UBE2E2: variants seen among roughly 807,000 people sequenced by gnomAD.
UBE2E2 encodes ubiquitin-conjugating enzyme E2 E2.
A neutral mutation model predicts 24.7 loss-of-function variants in UBE2E2; 6 were observed. The ratio of observed to expected loss-of-function variants is 0.24; its 90% CI spans 0.13 to 0.48. The LOEUF (loss-of-function observed/expected upper bound fraction) is 0.48, where lower values mean the gene tolerates loss of function less well. UBE2E2 is among the 20% of genes least tolerant of loss of function. The probability of loss-of-function intolerance (pLI) is 0.99; values close to 1 mark genes in which losing one functional copy is unlikely to be tolerated. For missense variants in UBE2E2, 169 were observed against 245.0 expected, an observed-to-expected ratio of 0.69 and a Z score of 2.07; for synonymous variants, 104 against 83.6, an observed-to-expected ratio of 1.24 and a Z score of -1.33.
chr3:23,492,991 T>C (rs1305875820), intron 3 of UBE2E2, among the ~76,000 whole-genome samples: 3 of 152,164 alleles, frequency 2.0e-5, no homozygotes, highest in Non-Finnish European at 1.5e-5. Context: ...AAATTACTAA[T>C]GAGATATTTT....
intron 3 of UBE2E2, among the ~76,000 whole-genome samples, chr3:23,358,463 A>T (rs1696027637): frequency 6.6e-6 from 1 of 152,156 alleles, no homozygotes; most frequent in Non-Finnish European, 1.5e-5. Context: ...TATATAACAA[A>T]CCTCTTTAAA....
At chr3:23,503,140 T>C (rs1267296028) in intron 4 of UBE2E2, among the ~76,000 whole-genome samples, 1 of 152,016 alleles carries the variant, frequency 6.6e-6, no homozygotes, top group African/African-American at 2.4e-5. Context: ...GAAGTTGCTT[T>C]GTTTTTTGGG....
chr3:23,480,632 A>G (rs1399686305), intron 3 of UBE2E2, among the ~76,000 whole-genome samples: 3 of 142,092 alleles, frequency 2.1e-5, no homozygotes, highest in Non-Finnish European at 4.7e-5. Flanking sequence ...TGTCTCAGGA[A>G]AAAAAAAAAA....
intron 5 of UBE2E2, among the ~76,000 whole-genome samples, chr3:23,533,587 C>T (rs1276110598): frequency 6.8e-6 from 1 of 147,362 alleles, no homozygotes; most frequent in Non-Finnish European, 1.5e-5. Context: ...TATTTTTCAG[C>T]AGTAAAATCT....
intron 3 of UBE2E2, among the ~76,000 whole-genome samples, chr3:23,326,894 A>G (rs537237892): frequency 2.0e-5 from 3 of 152,116 alleles, no homozygotes; most frequent in South Asian, 2.1e-4. Flanking sequence ...TTATTGTTCA[A>G]TTCCTACCTA....
At chr3:23,267,352 A>G (rs1337048614) in intron 3 of UBE2E2, among the ~76,000 whole-genome samples, 4 of 152,234 alleles carry the variant, frequency 2.6e-5, no homozygotes, top group African/African-American at 7.2e-5. Flanking sequence ...AGTAGACGCA[A>G]TAAAAAATGA....
chr3:23,214,168 C>A (rs1277445709), intron 2 of UBE2E2, among the ~76,000 whole-genome samples: 1 of 152,080 alleles, frequency 6.6e-6, no homozygotes, highest in Non-Finnish European at 1.5e-5. Flanking sequence ...CAGTAAATTG[C>A]TTTTTGTATT....
chr3:23,305,100 T>C (rs1383491128), intron 3 of UBE2E2, among the ~76,000 whole-genome samples: 1 of 152,206 alleles, frequency 6.6e-6, no homozygotes, highest in Non-Finnish European at 1.5e-5. Context: ...TTTTCCAAAA[T>C]TCTGGTTTTT....
chr3:23,466,366 G>T (rs1698919116), intron 3 of UBE2E2, among the ~76,000 whole-genome samples: 1 of 152,192 alleles, frequency 6.6e-6, no homozygotes, highest in Non-Finnish European at 1.5e-5. Context: ...TGTCTACAGT[G>T]CAGCGTCCTG....
At chr3:23,300,992 C>G (rs1041960273) in intron 3 of UBE2E2, among the ~76,000 whole-genome samples, 6 of 152,116 alleles carry the variant, frequency 3.9e-5, no homozygotes, top group Non-Finnish European at 8.8e-5. Context: ...TCTTTTTATT[C>G]TTTTTTCTCT....
chr3:23,432,063 AT>A (rs1698074064), intron 3 of UBE2E2, among the ~76,000 whole-genome samples: 1 of 152,188 alleles, frequency 6.6e-6, no homozygotes, highest in Non-Finnish European at 1.5e-5. Context: ...AGTACAGAAA[AT>A]TTGGATAAAT....
intron 3 of UBE2E2, among the ~76,000 whole-genome samples, chr3:23,486,722 G>A (rs1230949417): frequency 6.6e-6 from 1 of 152,172 alleles, no homozygotes; most frequent in Non-Finnish European, 1.5e-5. Flanking sequence ...CTTTCAGCAG[G>A]CAGGTTGTAC....
At position 23,589,846 on chromosome 3, in the gene UBE2E2, C is replaced by G. The variant is rs1464519155; in HGVS notation, c.*15C>G. ...ACGCCACATAGGGGCCTGCTGCCTGCCGCCCCGCGGGACCTGTGCAAGCAC... is the reference window on the plus strand; with the variant it reads ...ACGCCACATAGGGGCCTGCTGCCTGGCGCCCCGCGGGACCTGTGCAAGCAC... On this transcript the variant is annotated 3_prime_UTR_variant, in exon 6 of 6. Transcript: ENST00000396703. This position sits in a 1 kb window ranked among gnomAD's most constrained non-coding sequence, Gnocchi z 4.1. 6.2e-7 allele frequency: 1 copy of G among 1,613,396 alleles called. No homozygotes were observed. The highest frequency in any genetic ancestry group is 1.7e-5 in the Admixed American group (1 of 60,028).
chr3:23,532,026 C>A (rs1400605116), intron 4 of UBE2E2, among the ~76,000 whole-genome samples: 3 of 147,574 alleles, frequency 2.0e-5, no homozygotes, highest in Non-Finnish European at 3.0e-5. Flanking sequence ...CACGCCACTG[C>A]ACTCCAGCCT....
chr3:23,536,017 C>G (rs1695255767), intron 5 of UBE2E2, among the ~76,000 whole-genome samples: 1 of 152,138 alleles, frequency 6.6e-6, no homozygotes, highest in Non-Finnish European at 1.5e-5. Flanking sequence ...TTGAGAATAC[C>G]ATTGGGGAAT....
At chr3:23,409,920 C>G (rs750078282) in intron 3 of UBE2E2, among the ~76,000 whole-genome samples, 1 of 152,194 alleles carries the variant, frequency 6.6e-6, no homozygotes, top group African/African-American at 2.4e-5. Context: ...ATTCCAAATA[C>G]TGTCATCTTT....
At chr3:23,382,925 C>T (rs1263995427) in intron 3 of UBE2E2, among the ~76,000 whole-genome samples, 1 of 151,768 alleles carries the variant, frequency 6.6e-6, no homozygotes. Context: ...AGGTAAGAGT[C>T]AGGAGGAATA....
intron 3 of UBE2E2, among the ~76,000 whole-genome samples, chr3:23,353,587 C>T (rs909775927): frequency 6.6e-6 from 1 of 152,090 alleles, no homozygotes; most frequent in South Asian, 2.1e-4. Context: ...TCTTATACAC[C>T]AATAGCAGAC....
chr3:23,272,245 C>G (rs900759033), intron 3 of UBE2E2, among the ~76,000 whole-genome samples: 3 of 152,214 alleles, frequency 2.0e-5, no homozygotes, highest in Non-Finnish European at 4.4e-5. Context: ...ATCCGGCGCT[C>G]CCTGGCCTGG....
Sources: allele counts gnomAD v4.1 joint callset (sites outside exome capture counted in the v4.1 genomes callset), GRCh38; gene constraint gnomAD v4.1.1; non-coding constraint Gnocchi (gnomAD v3.1); transcripts MANE v1.5; gene names NCBI Gene and HGNC (gene_info 2026-07-23, HGNC 2026-07-21).